Variants in DCTN4 observed in about 807,000 individuals in gnomAD.
The protein encoded by DCTN4 is dynactin subunit 4.
Under a neutral mutation model 62.7 loss-of-function variants are expected in DCTN4, and 23 were observed. The observed-to-expected ratio is 0.37, with a 90% CI of 0.26 to 0.52. The LOEUF (loss-of-function observed/expected upper bound fraction) is 0.52. Ranked by LOEUF, DCTN4 falls within the 20% of genes least tolerant of loss-of-function variation. The pLI, the probability that DCTN4 is intolerant of heterozygous loss-of-function variation, is 0.92. For synonymous variants in DCTN4, 199 were observed against 202.1 expected (o/e 0.98, Z 0.13); for missense variants, 514 against 580.4 (o/e 0.89, Z 1.18).
In DCTN4 at chr5:150,758,952, G is replaced by C. The variant is rs1051605408; in HGVS notation, c.42C>G (p.Val14=). The change falls in exon 1 of 13, where the codon GTC becomes GTG. Residue 14 remains valine, a synonymous_variant. Transcript: ENST00000447998. The part of the protein sequence containing the change: ...LLQSDRVLYL[V]QGEKKVRAPL... Reference sequence around the variant, plus strand: ...GGGCCCGAACCTTCTTTTCTCCCTGGACTAGATAGAGAACCCGGTCCGACT... The same window carrying C: ...GGGCCCGAACCTTCTTTTCTCCCTGCACTAGATAGAGAACCCGGTCCGACT... The C allele has an allele frequency of 9.3e-6, 15 of 1,613,994 alleles. No homozygotes were observed. The highest frequency in any genetic ancestry group is 1.3e-5 in the Non-Finnish European group (15 of 1,180,010).
In DCTN4 at chr5:150,744,258, C is replaced by T. The variant is rs1271500889; in HGVS notation, c.386-2101G>A. 3.5e-3 allele frequency among the ~76,000 whole-genome samples: 532 copies of T among 151,940 alleles called. 2 individuals are homozygous for T. Among genetic ancestry groups the T allele is most frequent in the African/African-American group, 0.011 (463 of 41,424 alleles). On this transcript the variant is annotated intron_variant, in intron 3 of 12. Coordinates refer to ENST00000447998, the MANE Select transcript of DCTN4 (RefSeq NM_016221.4). ...TTAGAGAAAAAAGAATAAAAAGAAA[C>T]GAACAAAGCCTCCAAGAAATATGGG... is the stretch of plus-strand genomic sequence containing the variant.
intron 4 of DCTN4, chr5:150,733,776 A>G (rs1297718327): frequency 1.2e-5 from 3 of 240,246 alleles, no homozygotes; most frequent in African/African-American, 6.8e-5. Context: ...CTGCATGGCC[A>G]CAGGACCACT....
At position 150,734,701 on chromosome 5, in the gene DCTN4, G is replaced by A. The variant is rs189667395; in HGVS notation, c.430-1226C>T. ...TATGAGCACATAAGCCACAGCAGTCGGGAAGGGGCGGAGTCCAAAAGGCTA... is the reference window on the plus strand; with the variant it reads ...TATGAGCACATAAGCCACAGCAGTCAGGAAGGGGCGGAGTCCAAAAGGCTA... On this transcript the variant is annotated intron_variant, in intron 4 of 12. Coordinates refer to ENST00000447998, the MANE Select transcript of DCTN4 (RefSeq NM_016221.4). Among the ~76,000 whole-genome samples the A allele has an allele frequency of 1.2e-4, 19 of 152,328 alleles. No homozygotes were observed. The East Asian group carries it at 2.1e-3, about 17-fold the overall frequency.
chr5:150,733,171 C>A (rs1760448593), intron 5 of DCTN4, among the ~76,000 whole-genome samples, 197 bp downstream of exon 5: 1 of 152,120 alleles, frequency 6.6e-6, no homozygotes, highest in South Asian at 2.1e-4. Context: ...ACACAAATGT[C>A]CTCAAAACAC....
intron 1 of DCTN4, chr5:150,758,277 G>A (rs945670238): frequency 3.0e-6 from 3 of 985,492 alleles, no homozygotes; most frequent in Non-Finnish European, 2.4e-6. Context: ...TTGTCCTCTA[G>A]CTCCATAAAT....
At chr5:150,743,170 T>A (rs1183093892) in intron 3 of DCTN4, 1 of 152,778 alleles carries the variant, frequency 6.5e-6, no homozygotes, top group South Asian at 2.1e-4. Context: ...ACCAGGAGAT[T>A]ATATCCTGCA....
chr5:150,721,798 G>C (rs1264616540), intron 9 of DCTN4, among the ~76,000 whole-genome samples: 1 of 152,044 alleles, frequency 6.6e-6, no homozygotes, highest in Non-Finnish European at 1.5e-5. Flanking sequence ...ATTTGTCTCA[G>C]GACTTTGTTG....
intron 10 of DCTN4, 108 bp from the exon 11 acceptor site, chr5:150,718,491 C>T (rs1759851176): frequency 1.5e-6 from 1 of 684,188 alleles, no homozygotes. Context: ...CAATGACGCC[C>T]TACTTATACC....
intron 5 of DCTN4, among the ~76,000 whole-genome samples, chr5:150,732,282 T>C (rs6892273): frequency 0.14 from 20,698 of 152,184 alleles, 2,410 homozygotes; most frequent in African/African-American, 0.31. Flanking sequence ...CCCAAGTAGC[T>C]GAGATTATAG....
intron 2 of DCTN4, 128 bp from the exon 3 acceptor site, chr5:150,753,785 G>T: frequency 2.2e-6 from 2 of 907,044 alleles, no homozygotes; most frequent in Non-Finnish European, 3.3e-6. Context: ...TACCAACTTT[G>T]CTTTAACAGT....
intron 3 of DCTN4, among the ~76,000 whole-genome samples, chr5:150,744,374 T>C (rs890614498): frequency 1.3e-5 from 2 of 151,682 alleles, no homozygotes. Flanking sequence ...CTGCAGGATA[T>C]TATCCAGGAG....
At chr5:150,723,037 C>G in intron 8 of DCTN4, 57 bp from the exon 9 acceptor site, 1 of 1,250,304 alleles carries the variant, frequency 8.0e-7, no homozygotes, top group Non-Finnish European at 1.1e-6. Context: ...TTTGTTGATC[C>G]ATAGAGCTGC....
At chr5:150,746,114 C>T (rs1025527860) in intron 3 of DCTN4, among the ~76,000 whole-genome samples, 23 of 146,606 alleles carry the variant, frequency 1.6e-4, no homozygotes, top group Admixed American at 1.2e-3. Context: ...GGGGATATCA[C>T]CACCGATCCC....
chr5:150,722,806 T>C lies in DCTN4; in HGVS notation c.908+101A>G, dbSNP rs989530928. 7 of 761,068 alleles carry C rather than the reference T, an allele frequency of 9.2e-6. No individual in the cohort carries two copies. The African/African-American group carries it at 1.1e-4, about 12-fold the overall frequency. The allele number at this position is 761,068 out of a possible 1,614,324, so 47.1% of individuals were successfully genotyped here. On this transcript the variant is annotated intron_variant, in intron 9 of 12. Transcript: ENST00000447998. ...TCAAGATTATTTTGATGTAATTTTT[T>C]TTTTTTTAGGCCAAGAGTAAACACA...
At position 150,723,541 on chromosome 5, in the gene DCTN4, T is replaced by A. The variant is rs1371334678; in HGVS notation, c.835-561A>T. Among the ~76,000 whole-genome samples, 5 of 152,190 alleles carry A rather than the reference T, an allele frequency of 3.3e-5. No homozygotes were observed. In the East Asian group the frequency reaches 9.6e-4, roughly 29 times the overall value. On this transcript the variant is annotated intron_variant, in intron 8 of 12. Transcript: ENST00000447998. Reference sequence around the variant, plus strand: ...TGGAGTGCAGTGGCACAATCAAAGCTCACTACAGCCTCCAACTCCTGGGCT... The same window carrying A: ...TGGAGTGCAGTGGCACAATCAAAGCACACTACAGCCTCCAACTCCTGGGCT...
intron 3 of DCTN4, among the ~76,000 whole-genome samples, chr5:150,752,837 A>AT (rs957961843): frequency 6.1e-5 from 9 of 146,906 alleles, no homozygotes. Flanking sequence ...AGACCCAACT[A>AT]TTTTTCTTAG....
intron 4 of DCTN4, chr5:150,734,216 A>G (rs1760492068): frequency 6.6e-6 from 1 of 152,220 alleles, no homozygotes; most frequent in Non-Finnish European, 1.5e-5. Flanking sequence ...CTGCAGGAAC[A>G]TACTAGGAAA....
rs762588678 is a variant in DCTN4 at position 150,742,111 on chromosome 5, T to C, written c.429+3A>G. ...CCTCTCTCTCTTATGACCCTTTACT[T>C]ACCCGTTGTGTGTGAGGATTTTCAG... On this transcript the variant is annotated splice_donor_region_variant and intron_variant, in intron 4 of 12. Transcript: ENST00000447998. The C allele has an allele frequency of 5.6e-6, 9 of 1,613,762 alleles. No homozygotes were observed. The highest frequency in any genetic ancestry group is 6.8e-6 in the Non-Finnish European group (8 of 1,179,782).
intron 3 of DCTN4, among the ~76,000 whole-genome samples, chr5:150,751,077 C>T (rs770817832): frequency 6.6e-6 from 1 of 152,070 alleles, no homozygotes; most frequent in Admixed American, 6.5e-5. Flanking sequence ...TATTTTTAAA[C>T]GTCTGAATAT....
Sources: allele counts gnomAD v4.1 joint callset (sites outside exome capture counted in the v4.1 genomes callset), GRCh38; gene constraint gnomAD v4.1.1; transcripts MANE v1.5; gene names NCBI Gene and HGNC (gene_info 2026-07-23, HGNC 2026-07-21).